Variants in ADGRL3 observed in about 807,000 individuals in gnomAD.
ADGRL3 encodes adhesion G protein-coupled receptor L3, also known as calcium-independent alpha-latrotoxin receptor 3.
ADGRL3 carries 62 observed loss-of-function variants against 153.5 expected under a neutral mutation model. The ratio of observed to expected loss-of-function variants is 0.40; its 90% CI spans 0.33 to 0.50. The LOEUF (loss-of-function observed/expected upper bound fraction) is 0.50, where lower values mean the gene tolerates loss of function less well. ADGRL3 is among the 20% of genes least tolerant of loss of function. The probability of loss-of-function intolerance (pLI) is 0.47; values close to 1 mark genes in which losing one functional copy is unlikely to be tolerated. For synonymous variants in ADGRL3, 710 were observed against 672.5 expected, an observed-to-expected ratio of 1.06 and a Z score of -0.86; for missense variants, 1,641 against 1,859.4, an observed-to-expected ratio of 0.88 and a Z score of 2.16.
chr4:61,427,983 C>T (rs1244814882), intron 2 of ADGRL3: 4 of 152,940 alleles, frequency 2.6e-5, no homozygotes, highest in Non-Finnish European at 4.4e-5. Flanking sequence ...CGTGTTTTCA[C>T]CGGGGCCCAT....
At chr4:61,260,173 G>C (rs1392812717) in intron 1 of ADGRL3, among the ~76,000 whole-genome samples, 1 of 152,184 alleles carries the variant, frequency 6.6e-6, no homozygotes, top group Non-Finnish European at 1.5e-5. Context: ...GTAAATATAT[G>C]AAACATTTGA....
Position 61,895,812 on chromosome 4 carries a change from G to A in ADGRL3, c.1865G>A (p.Trp622Ter). ...GPDLSNCSSP[W>*]VNHITQKLKS... The stretch of plus-strand genomic sequence containing the variant: ...GATCTCAGCAACTGTTCTTCTCCTT[G>A]GGTCAATCATATAACACAGAAGGTA... Residue 622 changes from tryptophan (W) to a stop codon, truncating the protein, a stop_gained, in exon 11 of 27, where the codon TGG (tryptophan) becomes TAG (stop). Transcript: ENST00000683033. LOFTEE classifies it high-confidence loss of function. 6.3e-7 allele frequency: 1 copy of A among 1,591,668 alleles called. No homozygotes were observed. Among genetic ancestry groups the A allele is most frequent in the Non-Finnish European group, 8.6e-7 (1 of 1,167,530 alleles).
chr4:61,728,467 C>A (rs965993430), intron 6 of ADGRL3, among the ~76,000 whole-genome samples: 1 of 151,978 alleles, frequency 6.6e-6, no homozygotes, highest in Non-Finnish European at 1.5e-5. Context: ...ATAACAGATA[C>A]CTTTGCCAAT....
chr4:61,353,019 G>A (rs958935952), intron 1 of ADGRL3, among the ~76,000 whole-genome samples: 27 of 152,212 alleles, frequency 1.8e-4, no homozygotes, highest in African/African-American at 4.8e-5. Context: ...CCCGAGGTTC[G>A]AAAATCCTAT....
intron 24 of ADGRL3, among the ~76,000 whole-genome samples, chr4:62,042,233 A>C (rs1728753756): frequency 6.6e-6 from 1 of 151,984 alleles, no homozygotes; most frequent in Admixed American, 6.6e-5. Context: ...ATAAGACATT[A>C]AATATTAGAC....
intron 1 of ADGRL3, among the ~76,000 whole-genome samples, chr4:61,346,930 C>T (rs2095926104): frequency 6.6e-6 from 1 of 151,818 alleles, no homozygotes; most frequent in South Asian, 2.1e-4. Context: ...AAAACTGTGA[C>T]TGTGAGGTTC....
chr4:61,445,888 T>C (rs1256088098), intron 2 of ADGRL3, among the ~76,000 whole-genome samples: 1 of 152,230 alleles, frequency 6.6e-6, no homozygotes, highest in East Asian at 1.9e-4. Context: ...TGTGATACCC[T>C]AGCACAACCA....
chr4:61,418,309 G>A (rs376596557), intron 2 of ADGRL3, among the ~76,000 whole-genome samples: 1 of 152,210 alleles, frequency 6.6e-6, no homozygotes, highest in Non-Finnish European at 1.5e-5. Context: ...TTGGAGTTCT[G>A]TTAAGGGAGA....
intron 4 of ADGRL3, among the ~76,000 whole-genome samples, chr4:61,547,016 A>T (rs1029058432): frequency 5.3e-5 from 8 of 152,242 alleles, no homozygotes; most frequent in Non-Finnish European, 8.8e-5. Flanking sequence ...GAGTTCATCA[A>T]AACTCAGTGA....
chr4:61,587,547 A>G (rs922027043), intron 5 of ADGRL3, 107 bp downstream of exon 5: 1 of 835,534 alleles, frequency 1.2e-6, no homozygotes, highest in Admixed American at 3.0e-5. Context: ...GTATTTTAGG[A>G]CACTTCAAAA....
intron 9 of ADGRL3, among the ~76,000 whole-genome samples, chr4:61,856,419 A>ATTCCTTCC (rs139069716): frequency 4.2e-5 from 5 of 119,836 alleles, no homozygotes; most frequent in Admixed American, 1.9e-4. Context: ...GTGTCTGAGA[A>ATTCCTTCC]TTCCTTCCTT....
At chr4:61,262,468 T>TA (rs556455838) in intron 1 of ADGRL3, among the ~76,000 whole-genome samples, 92 of 152,114 alleles carry the variant, frequency 6.0e-4, no homozygotes, top group Non-Finnish European at 1.2e-3. Flanking sequence ...CACTCTTTTT[T>TA]AAAAAAATTG....
At chr4:61,672,710 A>G (rs1603659) in intron 5 of ADGRL3, among the ~76,000 whole-genome samples, 151,039 of 152,116 alleles carry the variant, frequency 0.99, 74,999 homozygotes, top group Middle Eastern at 1. Context: ...GAGAATCCTT[A>G]TATACTATTG....
chr4:61,364,633 A>G (rs2096361668), intron 1 of ADGRL3, among the ~76,000 whole-genome samples: 1 of 152,188 alleles, frequency 6.6e-6, no homozygotes, highest in Non-Finnish European at 1.5e-5. Context: ...TAGAATAACT[A>G]TTGTAAGATA....
At chr4:61,873,571 TC>T (rs1238230178) in intron 9 of ADGRL3, among the ~76,000 whole-genome samples, 3 of 152,172 alleles carry the variant, frequency 2.0e-5, no homozygotes, top group African/African-American at 7.2e-5. Flanking sequence ...CCATCCAGTT[TC>T]CGTTTATTTA....
chr4:61,511,371 A>C (rs1425376541), intron 3 of ADGRL3, among the ~76,000 whole-genome samples: 1 of 152,164 alleles, frequency 6.6e-6, no homozygotes, highest in South Asian at 2.1e-4. Context: ...GACTCTTGTC[A>C]AAAAACAAAC....
chr4:61,225,501 G>C (rs931370471), intron 1 of ADGRL3, among the ~76,000 whole-genome samples: 1 of 152,016 alleles, frequency 6.6e-6, no homozygotes, highest in Non-Finnish European at 1.5e-5. Flanking sequence ...TGCTGTCCTG[G>C]GGTATAAACA....
At chr4:61,465,325 G>C (rs2097865774) in intron 2 of ADGRL3, among the ~76,000 whole-genome samples, 1 of 152,052 alleles carries the variant, frequency 6.6e-6, no homozygotes, top group African/African-American at 2.4e-5. Context: ...TCCAAAAGAA[G>C]ATGGGTAGGC....
intron 7 of ADGRL3, 94 bp downstream of exon 7, chr4:61,730,730 TATCTA>T: frequency 3.2e-6 from 1 of 313,000 alleles, no homozygotes; most frequent in Non-Finnish European, 6.0e-6. Context: ...TATTAATTCT[TATCTA>T]TTTTATGAAA....
Sources: allele counts gnomAD v4.1 joint callset (sites outside exome capture counted in the v4.1 genomes callset), GRCh38; gene constraint gnomAD v4.1.1; transcripts MANE v1.5; gene names NCBI Gene and HGNC (gene_info 2026-07-23, HGNC 2026-07-21).